TYW3: variants seen among roughly 807,000 people sequenced by gnomAD.
The protein encoded by TYW3 is tRNA-yW synthesizing protein 3 homolog.
Under a neutral mutation model 23.1 loss-of-function variants are expected in TYW3, and 26 were observed. The observed-to-expected ratio is 1.13, with a 90% CI of 0.83 to 1.56. The LOEUF (loss-of-function observed/expected upper bound fraction) is 1.56. TYW3 is among the 40% of genes most tolerant of loss of function. TYW3 has a pLI of 0.00. For synonymous variants in TYW3, 102 were observed against 105.7 expected (o/e 0.97, Z 0.21); for missense variants, 316 against 311.9 (o/e 1.01, Z -0.10).
intron 3 of TYW3, among the ~76,000 whole-genome samples, chr1:74,741,918 G>A (rs1223840986): frequency 6.6e-6 from 1 of 152,166 alleles, no homozygotes; most frequent in Non-Finnish European, 1.5e-5. Context: ...AGGTGATATT[G>A]TATCCCTAGC....
intron 3 of TYW3, among the ~76,000 whole-genome samples, chr1:74,745,132 G>A (rs541740389): frequency 1.3e-5 from 2 of 151,904 alleles, no homozygotes; most frequent in South Asian, 2.1e-4. Context: ...CCCGGTGGGC[G>A]AGTGGTCTCA....
chr1:74,747,693 A>G (rs1481160128), intron 3 of TYW3, among the ~76,000 whole-genome samples: 1 of 151,604 alleles, frequency 6.6e-6, no homozygotes, highest in Non-Finnish European at 1.5e-5. Context: ...GGATGTGAGT[A>G]TGTATACATA....
intron 4 of TYW3, chr1:74,751,586 C>G (rs1346861431): frequency 6.6e-6 from 1 of 152,158 alleles, no homozygotes; most frequent in Non-Finnish European, 1.5e-5. Context: ...AGGAGAATCG[C>G]TTGAACCTGG....
In TYW3 at chr1:74,733,347, C is replaced by T; in HGVS notation, c.103C>T (p.Gln35Ter). 1.2e-6 allele frequency: 2 copies of T among 1,614,204 alleles called. No homozygotes were observed. Among genetic ancestry groups the T allele is most frequent in the Non-Finnish European group, 1.7e-6 (2 of 1,180,040 alleles). Residue 35 changes from glutamine (Q) to a stop codon, truncating the protein, a stop_gained, in exon 1 of 6, where the codon CAG (glutamine) becomes TAG (stop). Transcript: ENST00000370867. LOFTEE classifies it high-confidence loss of function. The part of the protein sequence containing the change: ...SVDEDVVELV[Q>*]FLNMRDQFFT... ...TGACGAGGATGTGGTAGAGCTTGTG[C>T]AGTTTCTGAACATGCGAGATCAGTT... is the stretch of plus-strand genomic sequence containing the variant.
At chr1:74,762,362 A>G (rs1206178440) in intron 5 of TYW3, among the ~76,000 whole-genome samples, 2 of 152,164 alleles carry the variant, frequency 1.3e-5, no homozygotes, top group African/African-American at 4.8e-5. Flanking sequence ...ATTTCTTGCC[A>G]TAGTCTCCCA....
intron 1 of TYW3, among the ~76,000 whole-genome samples, chr1:74,733,757 T>C (rs1250294132): frequency 6.6e-6 from 1 of 152,194 alleles, no homozygotes; most frequent in South Asian, 2.1e-4. Flanking sequence ...TTGATTTTAT[T>C]ATATGAATAC....
chr1:74,746,567 T>C (rs932282995), intron 3 of TYW3, among the ~76,000 whole-genome samples: 1 of 152,210 alleles, frequency 6.6e-6, no homozygotes, highest in Non-Finnish European at 1.5e-5. Context: ...AACTGAGAAA[T>C]TCACTCATTC....
In TYW3 at chr1:74,736,489, T is replaced by C. The variant is rs1033200450; in HGVS notation, c.175-53T>C. 3.7e-6 allele frequency: 5 copies of C among 1,368,866 alleles called. No homozygotes were observed. The African/African-American group carries it at 7.4e-5, about 20-fold the overall frequency. 84.8% of individuals were successfully genotyped at this position (1,368,866 alleles called of 1,614,324 possible). A position where few individuals can be genotyped will look rare whatever the true frequency, so the allele number is the denominator to read the frequency against. On this transcript the variant is annotated intron_variant, in intron 1 of 5. Transcript: ENST00000370867. The stretch of plus-strand genomic sequence containing the variant: ...TACAATATACTATGCATTATGCTTA[T>C]TATTTTTGTAAAATATTATATGAAA...
At chr1:74,743,082 T>G (rs534364000) in intron 3 of TYW3, among the ~76,000 whole-genome samples, 39 of 152,212 alleles carry the variant, frequency 2.6e-4, no homozygotes, top group African/African-American at 8.9e-4. Flanking sequence ...CAGAGAACGT[T>G]TGTTCTCTGG....
chr1:74,763,996 A>G lies in TYW3; in HGVS notation c.663A>G (p.Lys221=). The G allele has an allele frequency of 6.2e-7, 1 of 1,611,236 alleles. No homozygotes were observed. Among genetic ancestry groups the G allele is most frequent in the Non-Finnish European group, 8.5e-7 (1 of 1,179,198 alleles). Residue 221 remains lysine (K), a synonymous_variant, in exon 6 of 6, where the codon AAA becomes AAG. Transcript: ENST00000370867. ...KNNSSYIHKK[K]RNPEKTRAQC... is the part of the protein sequence containing the mutation. ...ACTCATCATATATTCATAAGAAAAA[A>G]AGAAACCCAGAAAAAACACGTGCCC...
intron 3 of TYW3, among the ~76,000 whole-genome samples, chr1:74,741,152 G>C (rs1480119300): frequency 6.6e-6 from 1 of 152,190 alleles, no homozygotes; most frequent in African/African-American, 2.4e-5. Flanking sequence ...AGTATGGTTA[G>C]TATGCTGCTA....
rs994606455 is a variant in TYW3 at position 74,766,467 on chromosome 1, G to T, written c.*2354G>T. On this transcript the variant is annotated 3_prime_UTR_variant, in exon 6 of 6. Transcript: ENST00000370867. ...GGCTAATGTGTGTGTTTATATCTTA[G>T]TTTTTCACAAAAAGGTTTTTCCAAT... 4 of 151,780 alleles carry T rather than the reference G, an allele frequency of 2.6e-5. No individual in the cohort carries two copies. Among genetic ancestry groups the T allele is most frequent in the African/African-American group, 9.7e-5 (4 of 41,286 alleles). 9.4% of individuals were successfully genotyped at this position (151,780 alleles called of 1,614,324 possible).
intron 1 of TYW3, among the ~76,000 whole-genome samples, chr1:74,733,787 T>A (rs1222396991): frequency 6.6e-6 from 1 of 152,214 alleles, no homozygotes; most frequent in East Asian, 1.9e-4. Context: ...CTAAAGACTT[T>A]GTAGCTTGCT....
chr1:74,762,493 G>A (rs576985430), intron 5 of TYW3, among the ~76,000 whole-genome samples: 1 of 152,032 alleles, frequency 6.6e-6, no homozygotes, highest in Non-Finnish European at 1.5e-5. Context: ...TTATTCTGGG[G>A]TTATTCATTC....
chr1:74,758,969 A>T (rs1186867337), intron 5 of TYW3, among the ~76,000 whole-genome samples: 1 of 152,226 alleles, frequency 6.6e-6, no homozygotes, highest in Non-Finnish European at 1.5e-5. Context: ...TTAACACATT[A>T]TATTGAGTTC....
chr1:74,761,864 G>A (rs1259855858), intron 5 of TYW3: 1 of 152,010 alleles, frequency 6.6e-6, no homozygotes, highest in Non-Finnish European at 1.5e-5. Context: ...TCAGCTCTGT[G>A]GTAGCAGGAT....
Position 74,733,272 on chromosome 1 carries a change from T to G in TYW3, c.28T>G (p.Trp10Gly). 1.2e-6 allele frequency: 2 copies of G among 1,614,058 alleles called. No homozygotes were observed. Among genetic ancestry groups the G allele is most frequent in the Non-Finnish European group, 1.7e-6 (2 of 1,179,992 alleles). Residue 10 changes from tryptophan (W) to glycine (G), a missense_variant, in exon 1 of 6, where the codon TGG (tryptophan) becomes GGG (glycine). Trp to Gly is a radical substitution (Grantham distance 184). Transcript: ENST00000370867. ...GGATCGCAGCGCGGAGTTCAGGAAA[T>G]GGAAGGCGCAATGTTTGAGCAAAGC... Reference protein sequence around the residue: MDRSAEFRKWKAQCLSKADL... With the variant: MDRSAEFRKGKAQCLSKADL...
chr1:74,764,324 T>C lies in TYW3; in HGVS notation c.*211T>C. On this transcript the variant is annotated 3_prime_UTR_variant, in exon 6 of 6. Transcript: ENST00000370867. ...ACCCGGCTTATCCTACGACTTCACC[T>C]GAAATGCTATAGTTATCCCTACTTT... 1 of 436,512 alleles carries C rather than the reference T, an allele frequency of 2.3e-6. No homozygotes were observed. The highest frequency in any genetic ancestry group is 4.0e-6 in the Non-Finnish European group (1 of 247,318). 27.0% of individuals were successfully genotyped at this position (436,512 alleles called of 1,614,324 possible). A position where few individuals can be genotyped will look rare whatever the true frequency, so the allele number is the denominator to read the frequency against.
intron 4 of TYW3, among the ~76,000 whole-genome samples, chr1:74,750,741 C>A (rs1038367489): frequency 1.9e-4 from 29 of 151,712 alleles, no homozygotes; most frequent in African/African-American, 6.5e-4. Context: ...TGTCTCTATG[C>A]CCACAGATAA....
Sources: allele counts gnomAD v4.1 joint callset (sites outside exome capture counted in the v4.1 genomes callset), GRCh38; gene constraint gnomAD v4.1.1; transcripts MANE v1.5; gene names NCBI Gene and HGNC (gene_info 2026-07-23, HGNC 2026-07-21).